The following ACACA variants were observed in gnomAD, a reference collection of about 807,000 sequenced individuals.
The protein encoded by ACACA is acetyl-CoA carboxylase 1.
Under a neutral mutation model 296.1 loss-of-function variants are expected in ACACA, and 103 were observed. The ratio of observed to expected loss-of-function variants is 0.35; its 90% CI spans 0.30 to 0.41. The LOEUF (loss-of-function observed/expected upper bound fraction) is 0.41. Ranked by LOEUF, ACACA falls within the 10% of genes least tolerant of loss-of-function variation. The pLI, the probability that ACACA is intolerant of heterozygous loss-of-function variation, is 1.00. For synonymous variants in ACACA, 953 were observed against 1,038.6 expected (o/e 0.92, Z 1.58); for missense variants, 1,554 against 2,989.7 (o/e 0.52, Z 11.20).
chr17:37,179,944 T>C (rs909657629), intron 40 of ACACA, among the ~76,000 whole-genome samples: 2 of 152,242 alleles, frequency 1.3e-5, no homozygotes, highest in South Asian at 2.1e-4. Context: ...TATTTGTAAA[T>C]GTGCAGATCA....
intron 2 of ACACA, 21 bp downstream of exon 2, chr17:37,339,780 CAAG>C (rs1412503811): frequency 7.5e-7 from 1 of 1,334,330 alleles, no homozygotes; most frequent in African/African-American, 1.4e-5. Context: ...ACATTGTAAA[CAAG>C]GAGTATTATT....
intron 30 of ACACA, 54 bp from the exon 31 acceptor site, chr17:37,207,854 G>A: frequency 6.3e-7 from 1 of 1,593,100 alleles, no homozygotes; most frequent in East Asian, 2.2e-5. Flanking sequence ...AGCAAGGACT[G>A]GGAAAGTAAC....
chr17:37,218,778 G>T lies in ACACA; in HGVS notation c.3683+2946C>A, dbSNP rs113450925. 5.6e-4 allele frequency among the ~76,000 whole-genome samples: 85 copies of T among 152,172 alleles called. No individual in the cohort carries two copies. The South Asian group carries it at 6.9e-3, about 12-fold the overall frequency. On this transcript the variant is annotated intron_variant, in intron 29 of 55. Coordinates refer to ENST00000616317, the MANE Select transcript of ACACA (RefSeq NM_198834.3). Reference sequence around the variant, plus strand: ...TAGAATGAGAAACAATATGCTTTTCGCCTGCTTGATCAAAACAATAACATA... The same window carrying T: ...TAGAATGAGAAACAATATGCTTTTCTCCTGCTTGATCAAAACAATAACATA...
In ACACA at chr17:37,174,557, G is replaced by A. The variant is rs527374168; in HGVS notation, c.5079+4703C>T. ...TTTTCTTTTTCTTTTTTTTTGAGAC[G>A]GAGTCTCACTCTGTAACCAGGCTTG... is the stretch of plus-strand genomic sequence containing the variant. On this transcript the variant is annotated intron_variant, in intron 41 of 55. Transcript: ENST00000616317. 8.6e-5 allele frequency among the ~76,000 whole-genome samples: 13 copies of A among 150,768 alleles called. No individual in the cohort carries two copies. The East Asian group carries it at 9.7e-4, about 11-fold the overall frequency.
intron 24 of ACACA, among the ~76,000 whole-genome samples, chr17:37,237,519 T>G (rs1377295111): frequency 6.6e-6 from 1 of 152,176 alleles, no homozygotes; most frequent in African/African-American, 2.4e-5. Context: ...ACTTTTAAAT[T>G]TTTGCCACTC....
chr17:37,261,806 T>C (rs1444643071), intron 11 of ACACA, among the ~76,000 whole-genome samples: 1 of 152,236 alleles, frequency 6.6e-6, no homozygotes, highest in Non-Finnish European at 1.5e-5. Flanking sequence ...ATAACTGCTA[T>C]GGACCAACGA....
Position 37,097,953 on chromosome 17 carries a change from C to T in ACACA, c.6597G>A (p.Lys2199=). 2 of 1,614,176 alleles carry T rather than the reference C, an allele frequency of 1.2e-6. No homozygotes were observed. The highest frequency in any genetic ancestry group is 1.7e-6 in the Non-Finnish European group (2 of 1,180,032). The stretch of plus-strand genomic sequence containing the variant: ...GCTCCTTCAACTTGTTCTCCAACTC[C>T]TTCCGCTCAGCTGTGCTTAGCTCTG... The part of the protein sequence containing the change: ...GTPELSTAER[K]ELENKLKERE... Residue 2199 remains lysine, a synonymous_variant, in exon 53 of 56, where the codon AAG becomes AAA. Transcript: ENST00000616317. The surrounding 1 kb of genome is among the most constrained non-coding windows in gnomAD (Gnocchi z 4.8).
intron 2 of ACACA, among the ~76,000 whole-genome samples, chr17:37,334,711 C>G (rs1441767420): frequency 6.6e-6 from 1 of 152,032 alleles, no homozygotes; most frequent in Non-Finnish European, 1.5e-5. Flanking sequence ...TCTCTTACCC[C>G]CTTTCACTCT....
chr17:37,205,841 T>C lies in ACACA; in HGVS notation c.3980A>G (p.Asn1327Ser). The change falls in exon 33 of 56, where the codon AAT becomes AGT. Residue 1327 changes from asparagine (N) to serine (S), a missense_variant. By Grantham distance (46) the Asn-to-Ser change is conservative. Around this residue, in one of 16 missense-constraint regions of ACACA, gnomAD observed 179 missense variants for 283.2 expected, o/e 0.63. Transcript: ENST00000616317. The part of the protein sequence containing the change: ...VPRDEPIHIL[N>S]VAIKTDCDIE... ...ATCACAGTCAGTCTTGATAGCCACATTGAGAATGTGAATTGGTTCATCCCT... is the reference window on the plus strand; with the variant it reads ...ATCACAGTCAGTCTTGATAGCCACACTGAGAATGTGAATTGGTTCATCCCT... 6.2e-7 allele frequency: 1 copy of C among 1,613,420 alleles called. No homozygotes were observed. The highest frequency in any genetic ancestry group is 8.5e-7 in the Non-Finnish European group (1 of 1,179,888).
chr17:37,170,790 A>G lies in ACACA; in HGVS notation c.5079+8470T>C, dbSNP rs533618030. Among the ~76,000 whole-genome samples the G allele has an allele frequency of 2.6e-5, 4 of 152,358 alleles. No individual in the cohort carries two copies. In the South Asian group the frequency reaches 6.2e-4, roughly 24 times the overall value. On this transcript the variant is annotated intron_variant, in intron 41 of 55. Coordinates refer to ENST00000616317, the MANE Select transcript of ACACA (RefSeq NM_198834.3). Reference sequence around the variant, plus strand: ...AAAATTAACACCAAAATTGACATCAACATTAATTGTACTATCAATGTGAAT... The same window carrying G: ...AAAATTAACACCAAAATTGACATCAGCATTAATTGTACTATCAATGTGAAT...
At chr17:37,173,630 T>C (rs2076956395) in intron 41 of ACACA, among the ~76,000 whole-genome samples, 1 of 152,056 alleles carries the variant, frequency 6.6e-6, no homozygotes, top group South Asian at 2.1e-4. Context: ...AAAAAATTAA[T>C]GAGATGCTAT....
intron 1 of ACACA, chr17:37,359,092 CT>C (rs1187721297): frequency 1.0e-6 from 1 of 985,660 alleles, no homozygotes; most frequent in African/African-American, 1.7e-5. Flanking sequence ...CGGGCGATGG[CT>C]GACAGGCGTG....
chr17:37,388,682 A>T (rs1366943561), intron 1 of ACACA: 12 of 1,612,198 alleles, frequency 7.4e-6, no homozygotes, highest in Non-Finnish European at 1.0e-5. Context: ...ACAGATGAGA[A>T]CCTAGAGAAG....
chr17:37,355,115 C>T (rs535028146), intron 1 of ACACA, among the ~76,000 whole-genome samples: 7 of 151,760 alleles, frequency 4.6e-5, no homozygotes, highest in Admixed American at 6.6e-5. Context: ...TGGTGGCATG[C>T]GCCTGTAATC....
Position 37,121,507 on chromosome 17 carries a change from A to C in ACACA, c.6139-17T>G, listed in dbSNP as rs1360500425. 6.2e-7 allele frequency: 1 copy of C among 1,614,046 alleles called. No individual in the cohort carries two copies. The highest frequency in any genetic ancestry group is 8.5e-7 in the Non-Finnish European group (1 of 1,180,002). ...CTGGATTATCTATTAGGAAAAGTCA[A>C]AGAAGACACAATTAACAACACAGCT... On this transcript the variant is annotated splice_polypyrimidine_tract_variant and intron_variant, in intron 49 of 55. Coordinates refer to ENST00000616317, the MANE Select transcript of ACACA (RefSeq NM_198834.3).
chr17:37,122,503 A>G, intron 49 of ACACA, 28 bp downstream of exon 49: 1 of 1,584,314 alleles, frequency 6.3e-7, no homozygotes, highest in Non-Finnish European at 8.7e-7. Context: ...CTCCAAGCAC[A>G]GCCCCCAGTG....
At chr17:37,257,924 T>C (rs966360404) in intron 13 of ACACA, 58 bp from the exon 14 acceptor site, 11 of 1,588,296 alleles carry the variant, frequency 6.9e-6, no homozygotes, top group East Asian at 2.2e-5. Flanking sequence ...AGAAGATTTA[T>C]ATATTCATTG....
intron 35 of ACACA, among the ~76,000 whole-genome samples, chr17:37,197,481 T>C (rs919903380): frequency 6.6e-6 from 1 of 152,176 alleles, no homozygotes; most frequent in Non-Finnish European, 1.5e-5. Context: ...CAGTGGATTA[T>C]CAAGAAGCCA....
At chr17:37,212,501 G>T (rs910774518) in intron 29 of ACACA, among the ~76,000 whole-genome samples, 2 of 152,164 alleles carry the variant, frequency 1.3e-5, no homozygotes, top group African/African-American at 4.8e-5. Context: ...ATGTAAGTAG[G>T]TTTAGAGCCA....
Sources: gnomAD v4.1 joint callset for allele counts (sites outside exome capture counted in the v4.1 genomes callset) on GRCh38, gnomAD v4.1.1 for gene constraint, gnomAD v4.1.1 regional missense constraint, Gnocchi (gnomAD v3.1) non-coding constraint, MANE v1.5 for transcripts, NCBI Gene and HGNC (gene_info 2026-07-23, HGNC 2026-07-21) for gene names.